ZNF804B: variants seen among roughly 807,000 people sequenced by gnomAD.
ZNF804B encodes the protein zinc finger 804B.
In ZNF804B, 80 loss-of-function variants were observed where a neutral mutation model predicts 101.4. The ratio of observed to expected loss-of-function variants is 0.79; its 90% CI spans 0.66 to 0.95. The LOEUF (loss-of-function observed/expected upper bound fraction) is 0.95. Among genes scored for constraint, ZNF804B ranks in the 40% least tolerant of loss-of-function variants. The pLI, the probability that ZNF804B is intolerant of heterozygous loss-of-function variation, is 0.00. For synonymous variants in ZNF804B, 622 were observed against 558.8 expected (o/e 1.11, Z -1.59); for missense variants, 1,673 against 1,561.9 (o/e 1.07, Z -1.20).
chr7:89,183,438 TCA>T, intron 1 of ZNF804B, among the ~76,000 whole-genome samples: 1 of 152,314 alleles, frequency 6.6e-6, no homozygotes, highest in Admixed American at 6.5e-5. Context: ...TTTGGTCTGT[TCA>T]TCTATGCAGG....
In ZNF804B at chr7:89,163,232, A is replaced by G. The variant is rs371012125; in HGVS notation, c.109-54923A>G. 2.0e-5 allele frequency among the ~76,000 whole-genome samples: 3 copies of G among 152,304 alleles called. 1 individual carries two copies. Among genetic ancestry groups the G allele is most frequent in the African/African-American group, 7.2e-5 (3 of 41,574 alleles). ...AAGTAACATTATCATCAAGAATAAT[A>G]AAAACCACGGATTTTGTACCTATTG... On this transcript the variant is annotated intron_variant, in intron 1 of 3. Transcript: ENST00000333190.
At chr7:88,999,486 TTCATTA>T (rs1306312751) in intron 1 of ZNF804B, among the ~76,000 whole-genome samples, 2 of 151,994 alleles carry the variant, frequency 1.3e-5, no homozygotes, top group Non-Finnish European at 2.9e-5. Flanking sequence ...AAGGGAACTT[TTCATTA>T]AACACTTTGT....
intron 2 of ZNF804B, among the ~76,000 whole-genome samples, chr7:89,270,473 G>T (rs139751820): frequency 0.041 from 6,263 of 152,244 alleles, 141 homozygotes; most frequent in Non-Finnish European, 0.049. Context: ...CTGTAGCCTT[G>T]TAGTATAGTT....
chr7:89,194,132 T>C (rs1222708092), intron 1 of ZNF804B, among the ~76,000 whole-genome samples: 5 of 152,026 alleles, frequency 3.3e-5, no homozygotes, highest in Non-Finnish European at 4.4e-5. Flanking sequence ...TGTCTGTTCT[T>C]GTCCTTTGCC....
At chr7:88,772,690 C>T (rs141437795) in intron 1 of ZNF804B, among the ~76,000 whole-genome samples, 2 of 152,240 alleles carry the variant, frequency 1.3e-5, no homozygotes, top group African/African-American at 4.8e-5. Context: ...AATTTCTGAT[C>T]TTGTTGAGTG....
intron 1 of ZNF804B, among the ~76,000 whole-genome samples, chr7:89,053,469 T>G (rs2116269526): frequency 6.6e-6 from 1 of 152,242 alleles, no homozygotes. Context: ...CATTTTGAAC[T>G]TCAAGTCAAT....
rs370161068 is a variant in ZNF804B, at chr7:88,912,583, T to C, written c.108+152499T>C. 3.9e-5 allele frequency among the ~76,000 whole-genome samples: 6 copies of C among 152,246 alleles called. No individual in the cohort carries two copies. The South Asian group carries it at 1.2e-3, about 32-fold the overall frequency. On this transcript the variant is annotated intron_variant, in intron 1 of 3. Coordinates refer to ENST00000333190, the MANE Select transcript of ZNF804B (RefSeq NM_181646.5). ...TTCGTCTTGGGTAAACTTTTGTGTA[T>C]AGAGTGAGATAAAGGCCAAAGCATA...
chr7:88,808,919 C>T (rs866533125), intron 1 of ZNF804B, among the ~76,000 whole-genome samples: 1 of 152,268 alleles, frequency 6.6e-6, no homozygotes, highest in Middle Eastern at 3.4e-3. Context: ...AAATAGTCAG[C>T]AACTGGGTTG....
intron 2 of ZNF804B, among the ~76,000 whole-genome samples, chr7:89,293,782 C>A (rs1173772731): frequency 1.3e-5 from 2 of 150,940 alleles, no homozygotes; most frequent in African/African-American, 4.9e-5. Flanking sequence ...GAGTGAGACT[C>A]CGTCTCAAAA....
intron 1 of ZNF804B, among the ~76,000 whole-genome samples, chr7:88,982,660 C>T (rs903361532): frequency 9.2e-5 from 14 of 152,080 alleles, no homozygotes; most frequent in Non-Finnish European, 1.8e-4. Context: ...ACCTTAGTTA[C>T]ACCCCTCTAA....
At chr7:89,110,701 T>C (rs1384240149) in intron 1 of ZNF804B, among the ~76,000 whole-genome samples, 1 of 152,212 alleles carries the variant, frequency 6.6e-6, no homozygotes, top group East Asian at 1.9e-4. Flanking sequence ...GAACCAAAAT[T>C]GATACATTAT....
chr7:89,203,588 C>G (rs1275202463), intron 1 of ZNF804B, among the ~76,000 whole-genome samples: 1 of 151,966 alleles, frequency 6.6e-6, no homozygotes, highest in Non-Finnish European at 1.5e-5. Flanking sequence ...CTAGTATTCT[C>G]TAAGTTTGAA....
At chr7:88,927,776 C>T (rs1316408913) in intron 1 of ZNF804B, among the ~76,000 whole-genome samples, 1 of 152,088 alleles carries the variant, frequency 6.6e-6, no homozygotes, top group Non-Finnish European at 1.5e-5. Flanking sequence ...TTAATGATTT[C>T]ACAGTTATAT....
At chr7:89,246,949 G>A (rs1789458090) in intron 2 of ZNF804B, among the ~76,000 whole-genome samples, 1 of 152,080 alleles carries the variant, frequency 6.6e-6, no homozygotes, top group Non-Finnish European at 1.5e-5. Context: ...CAGACCACCT[G>A]CTTGCCTGGT....
At chr7:89,082,647 T>A (rs1443138137) in intron 1 of ZNF804B, among the ~76,000 whole-genome samples, 2 of 151,734 alleles carry the variant, frequency 1.3e-5, no homozygotes, top group Non-Finnish European at 3.0e-5. Context: ...GTGGACTTAT[T>A]CCTGATTTCA....
intron 2 of ZNF804B, among the ~76,000 whole-genome samples, chr7:89,260,951 C>G (rs1789704043): frequency 6.6e-6 from 1 of 151,402 alleles, no homozygotes; most frequent in Non-Finnish European, 1.5e-5. Flanking sequence ...GGCATTTGCA[C>G]TAAGCACAAT....
Position 89,336,011 on chromosome 7 carries a change from A to G in ZNF804B, c.3029A>G (p.His1010Arg), listed in dbSNP as rs141887526. The G allele has an allele frequency of 3.1e-4, 500 of 1,614,024 alleles. 2 individuals carry two copies. In the Middle Eastern group the frequency reaches 8.1e-3, roughly 26 times the overall value. ...TTEKDKSKSS[H>R]TNNFTILADT... The stretch of plus-strand genomic sequence containing the variant: ...GAGAAAGACAAAAGCAAAAGTTCAC[A>G]CACAAATAATTTTACAATTTTAGCA... Residue 1010 changes from histidine (H) to arginine (R), a missense_variant, in exon 4 of 4, where the codon CAC becomes CGC. By Grantham distance (29) the His-to-Arg change is conservative (BLOSUM62 0). Transcript: ENST00000333190.
chr7:88,969,075 A>C (rs1793496493), intron 1 of ZNF804B, among the ~76,000 whole-genome samples: 1 of 151,594 alleles, frequency 6.6e-6, no homozygotes, highest in Non-Finnish European at 1.5e-5. Flanking sequence ...TCCAGGTTAG[A>C]AAGTGTCTAT....
In ZNF804B at chr7:89,073,877, A is replaced by G. The variant is rs999903729; in HGVS notation, c.109-144278A>G. ...TCAGGTAATATTCAAAATGATGTCA[A>G]TCTCAGAAGTTCCTCTGATTTTGAG... On this transcript the variant is annotated intron_variant, in intron 1 of 3. Transcript: ENST00000333190. 3.9e-5 allele frequency among the ~76,000 whole-genome samples: 6 copies of G among 152,316 alleles called. No individual in the cohort carries two copies. The East Asian group carries it at 9.6e-4, about 24-fold the overall frequency.
Sources: allele counts gnomAD v4.1 joint callset (sites outside exome capture counted in the v4.1 genomes callset), GRCh38; gene constraint gnomAD v4.1.1; transcripts MANE v1.5; gene names NCBI Gene and HGNC (gene_info 2026-07-23, HGNC 2026-07-21).